LGSN: variants seen among roughly 807,000 people sequenced by gnomAD.
The protein encoded by LGSN is lengsin.
Under a neutral mutation model 19.5 loss-of-function variants are expected in LGSN, and 21 were observed. The observed-to-expected ratio is 1.07, with a 90% CI of 0.76 to 1.55. LGSN has a LOEUF of 1.55. Ranked by LOEUF, LGSN falls within the 40% of genes most tolerant of loss-of-function variation. The pLI is 0.00. For missense variants in LGSN, 673 were observed against 608.5 expected, an observed-to-expected ratio of 1.11 and a Z score of -1.12; for synonymous variants, 257 against 215.6, an observed-to-expected ratio of 1.19 and a Z score of -1.68.
the LGSN span, chr6:63,441,899 G>A: frequency 1.9e-5 from 5 of 257,408 alleles, no homozygotes; most frequent in South Asian, 4.4e-5. Flanking sequence ...CCGGAATAAT[G>A]GGTTCTTGGT....
chr6:63,294,799 T>G (rs1464230053), intron 2 of LGSN, 114 bp downstream of exon 2: 6 of 1,040,884 alleles, frequency 5.8e-6, no homozygotes, highest in Non-Finnish European at 8.8e-6. Flanking sequence ...GAATAACTTT[T>G]ATTTGTCCTT....
chr6:63,477,457 T>C, the LGSN span, among the ~76,000 whole-genome samples: 6 of 152,094 alleles, frequency 3.9e-5, no homozygotes, highest in Non-Finnish European at 8.8e-5. Context: ...TCTTCTTTTC[T>C]CGTGGCTAAT....
the LGSN span, among the ~76,000 whole-genome samples, chr6:63,408,339 T>C: frequency 4.0e-5 from 6 of 148,782 alleles, no homozygotes; most frequent in East Asian, 2.0e-4. Flanking sequence ...GAGATATAGA[T>C]CAATGGAACA....
At chr6:63,559,010 A>C in the LGSN span, among the ~76,000 whole-genome samples, 7 of 152,366 alleles carry the variant, frequency 4.6e-5, no homozygotes, top group African/African-American at 1.7e-4. Context: ...ATCAAAGGCC[A>C]TAAGGATGGC....
chr6:63,320,097 T>C (rs921068162), upstream of LGSN: 6 of 629,004 alleles, frequency 9.5e-6, no homozygotes, highest in Non-Finnish European at 1.7e-5. Context: ...AAGATAAACA[T>C]CAGATTCTGA....
intron 1 of LGSN, among the ~76,000 whole-genome samples, chr6:63,318,041 G>C (rs925312473): frequency 4.0e-5 from 6 of 148,890 alleles, no homozygotes. Flanking sequence ...TAAGAAGTAA[G>C]AATGTGTTTT....
chr6:63,293,673 T>C (rs1767858961), intron 2 of LGSN: 1 of 451,570 alleles, frequency 2.2e-6, no homozygotes, highest in African/African-American at 2.0e-5. Context: ...CTTACCAGAG[T>C]TTGGGTTAAA....
At chr6:63,356,982 T>TC in the LGSN span, among the ~76,000 whole-genome samples, 4 of 55,042 alleles carry the variant, frequency 7.3e-5, no homozygotes, top group African/African-American at 2.7e-4. Context: ...CCCTCCCCCC[T>TC]CCCCCCACCC....
the LGSN span, among the ~76,000 whole-genome samples, chr6:63,424,668 A>G: frequency 1.6e-4 from 25 of 152,214 alleles, no homozygotes; most frequent in Admixed American, 3.3e-4. Flanking sequence ...CACACTTGTA[A>G]TTCCAGAACT....
intron 1 of LGSN, among the ~76,000 whole-genome samples, chr6:63,314,136 T>C (rs1768748870): frequency 6.6e-6 from 1 of 152,080 alleles, no homozygotes; most frequent in South Asian, 2.1e-4. Flanking sequence ...CCACAAACCA[T>C]ACAGTAAACC....
chr6:63,480,940 G>GATATAT, the LGSN span, among the ~76,000 whole-genome samples: 48 of 59,862 alleles, frequency 8.0e-4, no homozygotes, highest in African/African-American at 1.5e-3. Flanking sequence ...TAAAGAAAAT[G>GATATAT]ATATATATAT....
chr6:63,526,946 C>T, the LGSN span, among the ~76,000 whole-genome samples: 1 of 151,546 alleles, frequency 6.6e-6, no homozygotes, highest in Non-Finnish European at 1.5e-5. Flanking sequence ...TGATGTTATG[C>T]ACTTCTTCAA....
the LGSN span, among the ~76,000 whole-genome samples, chr6:63,434,999 G>A: frequency 6.6e-6 from 1 of 152,154 alleles, no homozygotes; most frequent in Non-Finnish European, 1.5e-5. Flanking sequence ...TTAGCTACAT[G>A]TATTCAGGAG....
the LGSN span, among the ~76,000 whole-genome samples, chr6:63,416,623 C>A: frequency 6.6e-6 from 1 of 151,944 alleles, no homozygotes; most frequent in Admixed American, 6.6e-5. Context: ...GTTGCCCTGG[C>A]TGGAGTGCAA....
At chr6:63,537,789 A>T in the LGSN span, among the ~76,000 whole-genome samples, 1 of 152,184 alleles carries the variant, frequency 6.6e-6, no homozygotes, top group East Asian at 1.9e-4. Flanking sequence ...GGCAAGGGGG[A>T]AGGAGGGTGA....
At chr6:63,562,948 T>C in the LGSN span, among the ~76,000 whole-genome samples, 52 of 152,336 alleles carry the variant, frequency 3.4e-4, no homozygotes, top group African/African-American at 1.2e-3. Flanking sequence ...CTCAAAACCA[T>C]GGCCTTATAT....
chr6:63,315,017 G>A (rs912872035), intron 1 of LGSN, among the ~76,000 whole-genome samples: 3 of 152,108 alleles, frequency 2.0e-5, no homozygotes, highest in Non-Finnish European at 2.9e-5. Flanking sequence ...TAAAATAATG[G>A]GATATGGAAT....
the LGSN span, among the ~76,000 whole-genome samples, chr6:63,569,288 C>T: frequency 6.6e-6 from 1 of 152,218 alleles, no homozygotes; most frequent in Non-Finnish European, 1.5e-5. Flanking sequence ...TGAAGTCTCA[C>T]TCTGTCTCCC....
chr6:63,410,201 T>C, the LGSN span, among the ~76,000 whole-genome samples: 1 of 152,214 alleles, frequency 6.6e-6, no homozygotes, highest in African/African-American at 2.4e-5. Flanking sequence ...CAAAAACGGG[T>C]ACAGGTTTGA....
Sources: allele counts gnomAD v4.1 joint callset (sites outside exome capture counted in the v4.1 genomes callset), GRCh38; gene constraint gnomAD v4.1.1; transcripts MANE v1.5; gene names NCBI Gene and HGNC (gene_info 2026-07-23, HGNC 2026-07-21).